The following EPB41L3 variants were observed in gnomAD, a reference collection of about 807,000 sequenced individuals.
The protein encoded by EPB41L3 is band 4.1-like protein 3.
A neutral mutation model predicts 127.1 loss-of-function variants in EPB41L3; 57 were observed. The ratio of observed to expected loss-of-function variants is 0.45; its 90% CI spans 0.36 to 0.56. The LOEUF (loss-of-function observed/expected upper bound fraction) is 0.56, where lower values mean the gene tolerates loss of function less well. EPB41L3 is among the 20% of genes least tolerant of loss of function. The pLI is 0.00. For synonymous variants in EPB41L3, 572 were observed against 549.5 expected (o/e 1.04, Z -0.57); for missense variants, 1,273 against 1,372.2 (o/e 0.93, Z 1.14).
intron 11 of EPB41L3, among the ~76,000 whole-genome samples, chr18:5,421,580 T>C (rs1440091214): frequency 6.6e-6 from 1 of 152,206 alleles, no homozygotes; most frequent in East Asian, 1.9e-4. Flanking sequence ...CAAAAGCCTG[T>C]AAGAATAATT....
chr18:5,469,027 T>C (rs2085563043), intron 3 of EPB41L3, among the ~76,000 whole-genome samples: 1 of 152,198 alleles, frequency 6.6e-6, no homozygotes, highest in Admixed American at 6.5e-5. Context: ...TGTCACTCAA[T>C]AAAGCACCTC....
chr18:5,559,070 G>C (rs1321677747), intron 3 of EPB41L3, among the ~76,000 whole-genome samples: 1 of 151,976 alleles, frequency 6.6e-6, no homozygotes, highest in Non-Finnish European at 1.5e-5. Flanking sequence ...GAATAATTTG[G>C]CATGTGCTCC....
At chr18:5,401,154 A>C in intron 16 of EPB41L3, 12 of 493,578 alleles carry the variant, frequency 2.4e-5, no homozygotes, top group South Asian at 8.8e-5. Context: ...CTATCATCTC[A>C]TATATTCTCA....
intron 3 of EPB41L3, among the ~76,000 whole-genome samples, chr18:5,601,742 T>C (rs1338579296): frequency 1.3e-5 from 2 of 152,216 alleles, no homozygotes; most frequent in East Asian, 1.9e-4. Flanking sequence ...TTTACATCTG[T>C]TACACTAAAA....
intron 3 of EPB41L3, among the ~76,000 whole-genome samples, chr18:5,564,391 T>C (rs1266794093): frequency 1.3e-5 from 2 of 152,118 alleles, no homozygotes; most frequent in Admixed American, 6.6e-5. Flanking sequence ...AGGAGAAAGA[T>C]AGGATGCTAG....
intron 3 of EPB41L3, among the ~76,000 whole-genome samples, 200 bp downstream of exon 3, chr18:5,478,041 G>C (rs2087602222): frequency 6.6e-6 from 1 of 152,058 alleles, no homozygotes; most frequent in Non-Finnish European, 1.5e-5. Flanking sequence ...GTTTACTTTT[G>C]ATTGTAACAT....
chr18:5,527,138 TA>T (rs2093252617), intron 1 of EPB41L3, among the ~76,000 whole-genome samples: 1 of 151,940 alleles, frequency 6.6e-6, no homozygotes, highest in Non-Finnish European at 1.5e-5. Context: ...GGGGAGAAAT[TA>T]TCCCAAAAAG....
chr18:5,446,990 G>C (rs376049621), intron 3 of EPB41L3, among the ~76,000 whole-genome samples: 1 of 152,034 alleles, frequency 6.6e-6, no homozygotes, highest in South Asian at 2.1e-4. Context: ...CACAAAAATT[G>C]GTTCTTCTGA....
intron 3 of EPB41L3, chr18:5,577,616 C>T (rs2094349166): frequency 4.4e-6 from 1 of 229,494 alleles, no homozygotes; most frequent in Non-Finnish European, 8.6e-6. Flanking sequence ...AATATTTCCC[C>T]TGGTTCCCAG....
intron 8 of EPB41L3, among the ~76,000 whole-genome samples, chr18:5,432,563 T>G (rs900513782): frequency 2.0e-5 from 3 of 152,180 alleles, no homozygotes; most frequent in Non-Finnish European, 2.9e-5. Context: ...CTAATAAAAG[T>G]TTTCATAAAA....
chr18:5,492,575 C>T (rs59232921), intron 1 of EPB41L3, among the ~76,000 whole-genome samples: 16,453 of 151,608 alleles, frequency 0.11, 1,839 homozygotes, highest in African/African-American at 0.28. Context: ...CCCTTCTCTT[C>T]TGATAGGTTC....
intron 3 of EPB41L3, among the ~76,000 whole-genome samples, chr18:5,566,720 TTCCATTCTATTCTATTCTATTCTATTCTA>T: frequency 6.7e-6 from 1 of 148,518 alleles, no homozygotes; most frequent in East Asian, 2.0e-4. Flanking sequence ...TTCTTTTCTA[TTCCATTCTATTCTATTCTATTCTATTCTA>T]TTCTATTCTA....
chr18:5,582,313 C>A (rs557195096), intron 3 of EPB41L3, among the ~76,000 whole-genome samples: 96 of 152,136 alleles, frequency 6.3e-4, no homozygotes, highest in Non-Finnish European at 7.9e-4. Flanking sequence ...AACGGAGCAG[C>A]TGGGCCTGCT....
intron 1 of EPB41L3, among the ~76,000 whole-genome samples, chr18:5,495,643 A>G (rs1230604232): frequency 6.6e-6 from 1 of 152,180 alleles, no homozygotes; most frequent in African/African-American, 2.4e-5. Context: ...TCTCAAGACA[A>G]CTAGTTTTAA....
upstream of EPB41L3, among the ~76,000 whole-genome samples, chr18:5,545,873 CTGTG>C (rs36213569): frequency 0.26 from 38,694 of 146,722 alleles, 5,609 homozygotes; most frequent in East Asian, 0.35. Context: ...CTGTATGACT[CTGTG>C]TGTGTGTGTG....
chr18:5,607,137 G>A (rs578006561), intron 3 of EPB41L3, among the ~76,000 whole-genome samples: 20 of 152,260 alleles, frequency 1.3e-4, no homozygotes, highest in East Asian at 9.6e-4. Context: ...GAATACTACC[G>A]TGGAGAGGAA....
intron 1 of EPB41L3, among the ~76,000 whole-genome samples, chr18:5,541,251 TCAAA>T (rs1486455641): frequency 1.8e-4 from 1 of 5,592 alleles, no homozygotes; most frequent in Non-Finnish European, 5.4e-4. Context: ...GGACTCCATC[TCAAA>T]AAAAAAAAAA....
At chr18:5,604,977 C>A (rs572038750) in intron 3 of EPB41L3, among the ~76,000 whole-genome samples, 38 of 152,248 alleles carry the variant, frequency 2.5e-4, no homozygotes, top group African/African-American at 8.7e-4. Context: ...CAGCAGGTGG[C>A]CCTTAGCTGT....
chr18:5,408,352 C>T (rs1171801631), intron 14 of EPB41L3, among the ~76,000 whole-genome samples: 1 of 150,106 alleles, frequency 6.7e-6, no homozygotes, highest in African/African-American at 2.5e-5. Context: ...CGGCTCACTG[C>T]AACCTCCACC....
Sources: gnomAD v4.1 joint callset for allele counts (sites outside exome capture counted in the v4.1 genomes callset) on GRCh38, gnomAD v4.1.1 for gene constraint, MANE v1.5 for transcripts, NCBI Gene and HGNC (gene_info 2026-07-23, HGNC 2026-07-21) for gene names.